Variants in UBR4 observed in about 807,000 individuals in gnomAD.
UBR4 encodes E3 ubiquitin-protein ligase UBR4.
In UBR4, 124 loss-of-function variants were observed where a neutral mutation model predicts 575.6. That is an observed-to-expected ratio of 0.22 (90% CI 0.19 to 0.25). The LOEUF (loss-of-function observed/expected upper bound fraction) is 0.25, where lower values mean the gene tolerates loss of function less well. Ranked by LOEUF, UBR4 falls within the 10% of genes least tolerant of loss-of-function variation. The pLI is 1.00. For synonymous variants in UBR4, 2,455 were observed against 2,473.7 expected (o/e 0.99, Z 0.22); for missense variants, 4,818 against 6,478.8 (o/e 0.74, Z 8.80).
At chr1:19,191,530 T>C (rs906380661) in intron 11 of UBR4, among the ~76,000 whole-genome samples, 10 of 152,174 alleles carry the variant, frequency 6.6e-5, no homozygotes, top group African/African-American at 2.2e-4. Context: ...TGACATCTTT[T>C]TCTTCACAAC....
intron 105 of UBR4, 23 bp from the exon 106 acceptor site, chr1:19,074,919 G>A: frequency 6.2e-7 from 1 of 1,613,120 alleles, no homozygotes; most frequent in Admixed American, 1.7e-5. Context: ...ACGGGCAGAG[G>A]TGTGTCAGGA....
Position 19,138,048 on chromosome 1 carries a change from TTCTCCC to T in UBR4, c.8859_8864del (p.Gly2958_Glu2959del). ...CATCTCCTTCAGTTTCTCCTTCTCC[TTCTCCC>T]TCGGAGCCATCTCCCTCCTGGTGCC... On this transcript the variant is annotated inframe_deletion, in exon 60 of 106. Transcript: ENST00000375254. The T allele has an allele frequency of 6.3e-7, 1 of 1,583,644 alleles. No individual in the cohort carries two copies. The highest frequency in any genetic ancestry group is 8.6e-7 in the Non-Finnish European group (1 of 1,160,652).
At position 19,125,312 on chromosome 1, in the gene UBR4, C is replaced by A. The variant is rs568787441; in HGVS notation, c.9439-622G>T. Among the ~76,000 whole-genome samples, 9 of 152,348 alleles carry A rather than the reference C, an allele frequency of 5.9e-5. 1 individual carries two copies. In the South Asian group the frequency reaches 1.9e-3, roughly 32 times the overall value. ...TTCAACTCCCAGTTATTCATCAGTT[C>A]TGTATCAAGCACTGGAGTTGTAAAC... On this transcript the variant is annotated intron_variant, in intron 64 of 105. Coordinates refer to ENST00000375254, the MANE Select transcript of UBR4 (RefSeq NM_020765.3).
intron 11 of UBR4, among the ~76,000 whole-genome samples, chr1:19,190,004 T>C (rs973004339): frequency 6.6e-6 from 1 of 151,976 alleles, no homozygotes; most frequent in East Asian, 1.9e-4. Context: ...CAATTTGACA[T>C]GGCCAGGCAG....
At chr1:19,144,711 G>A in intron 54 of UBR4, 75 bp downstream of exon 54, 1 of 1,544,796 alleles carries the variant, frequency 6.5e-7, no homozygotes, top group Non-Finnish European at 8.8e-7. Context: ...TATTTCATTA[G>A]CTTAGCAAGC....
chr1:19,092,621 C>A, intron 97 of UBR4, 198 bp downstream of exon 97: 1 of 498,192 alleles, frequency 2.0e-6, no homozygotes, highest in East Asian at 3.2e-5. Flanking sequence ...ACAATGAAGC[C>A]CCACTTAAGA....
rs2084948131 is a variant in UBR4 at position 19,146,882 on chromosome 1, A to G, written c.7748T>C (p.Met2583Thr). 9 of 1,614,192 alleles carry G rather than the reference A, an allele frequency of 5.6e-6. No individual in the cohort carries two copies. Among genetic ancestry groups the G allele is most frequent in the Non-Finnish European group, 6.8e-6 (8 of 1,180,006 alleles). The change falls in exon 52 of 106, where the codon ATG (methionine) becomes ACG (threonine). Residue 2583 changes from methionine to threonine, a missense_variant. Met to Thr is a moderately conservative substitution (Grantham distance 81). Around this residue, in one of 29 missense-constraint regions of UBR4, gnomAD observed 340 missense variants for 375.4 expected, o/e 0.91. Transcript: ENST00000375254. ...AAAGTGGACAAGGTTGTTGGGGCGC[A>G]TGATGGCAATGGAGCGAGCTGTGAT... ...LVITARSIAI[M>T]RPNNLVHFTE...
intron 5 of UBR4, 76 bp downstream of exon 5, chr1:19,198,465 C>A (rs891536969): frequency 3.3e-6 from 5 of 1,518,614 alleles, no homozygotes; most frequent in Non-Finnish European, 4.5e-6. Flanking sequence ...ACATAAAATA[C>A]ATCACTTTTT....
rs2090387107 is a variant in UBR4 at position 19,177,416 on chromosome 1, A to C, written c.2637+45T>G. 1.9e-6 allele frequency: 3 copies of C among 1,594,942 alleles called. No homozygotes were observed. The Middle Eastern group carries it at 5.0e-4, about 268-fold the overall frequency. Reference sequence around the variant, plus strand: ...TCATGGTAACCATTGAGAAGAATAAAGTTCTCAGTAATGGTGAAGCAAAAA... The same window carrying C: ...TCATGGTAACCATTGAGAAGAATAACGTTCTCAGTAATGGTGAAGCAAAAA... On this transcript the variant is annotated intron_variant, in intron 19 of 105. Transcript: ENST00000375254.
chr1:19,208,900 C>T (rs1291829423), intron 1 of UBR4, among the ~76,000 whole-genome samples: 2 of 152,126 alleles, frequency 1.3e-5, no homozygotes, highest in African/African-American at 4.8e-5. Flanking sequence ...AAAGCAGCCA[C>T]GTAATTTGAA....
intron 94 of UBR4, 24 bp from the exon 95 acceptor site, chr1:19,094,163 A>G (rs745667434): frequency 2.5e-6 from 4 of 1,589,928 alleles, no homozygotes; most frequent in Admixed American, 3.5e-5. Flanking sequence ...GAGGGTGAAC[A>G]TGCCATTAAT....
In UBR4 at chr1:19,121,199, C is replaced by T. The variant is rs34871324; in HGVS notation, c.10131G>A (p.Lys3377=). Residue 3377 remains lysine (K), a synonymous_variant, in exon 68 of 106, where the codon AAG becomes AAA. Transcript: ENST00000375254. The part of the protein sequence containing the change: ...TKKSKKEEKE[K]EKDGETSGSQ... ...GAGGGTGACCCTTACCATCTTTCTC[C>T]TTTTCTTTTTCTTCTTTCTTGCTCT... The T allele has an allele frequency of 7.7e-3, 12,476 of 1,613,870 alleles. 67 individuals carry two copies. The highest frequency in any genetic ancestry group is 9.1e-3 in the Non-Finnish European group (10,713 of 1,179,968).
At chr1:19,192,145 C>T (rs753591368) in intron 11 of UBR4, 43 bp downstream of exon 11, 42 of 1,580,612 alleles carry the variant, frequency 2.7e-5, no homozygotes, top group African/African-American at 1.4e-4. Context: ...AAAATGTTAG[C>T]GAAATAAAAC....
intron 78 of UBR4, 83 bp downstream of exon 78, chr1:19,112,430 AGAAGCACTATT>A: frequency 7.1e-7 from 1 of 1,399,524 alleles, no homozygotes; most frequent in Non-Finnish European, 9.7e-7. Context: ...CTGGGTGGTC[AGAAGCACTATT>A]CTGTGCACTC....
chr1:19,075,270 G>A (rs1459759843), intron 105 of UBR4: 1 of 298,202 alleles, frequency 3.4e-6, no homozygotes, highest in East Asian at 9.1e-5. Flanking sequence ...CCTGGCTGCA[G>A]GCCAGGGGTG....
intron 17 of UBR4, among the ~76,000 whole-genome samples, chr1:19,181,582 A>G (rs1029370887): frequency 5.9e-5 from 9 of 152,032 alleles, no homozygotes; most frequent in African/African-American, 2.2e-4. Context: ...CTCCTTTTTC[A>G]TGATCCCACA....
Position 19,075,854 on chromosome 1 carries a change from G to A in UBR4, c.15487+886C>T, listed in dbSNP as rs545031803. ...TAACAGTGGGATCTGGGGGGAGTTT[G>A]TTTTCCTGCTTCTTTATACTTTACA... On this transcript the variant is annotated intron_variant, in intron 105 of 105. Coordinates refer to ENST00000375254, the MANE Select transcript of UBR4 (RefSeq NM_020765.3). 1.7e-4 allele frequency among the ~76,000 whole-genome samples: 26 copies of A among 152,342 alleles called. No individual in the cohort carries two copies. In the South Asian group the frequency reaches 2.7e-3, roughly 16 times the overall value.
intron 64 of UBR4, 143 bp downstream of exon 64, chr1:19,126,303 G>A (rs969797515): frequency 5.3e-5 from 48 of 908,922 alleles, no homozygotes; most frequent in East Asian, 4.4e-4. Flanking sequence ...ATTCAATCAC[G>A]CCGAGATTAA....
chr1:19,205,557 T>C (rs932892405), intron 1 of UBR4, among the ~76,000 whole-genome samples: 1 of 152,170 alleles, frequency 6.6e-6, no homozygotes, highest in South Asian at 2.1e-4. Flanking sequence ...TTGAAAAATC[T>C]GTGGTTAATG....
Sources: gnomAD v4.1 joint callset for allele counts (sites outside exome capture counted in the v4.1 genomes callset) on GRCh38, gnomAD v4.1.1 for gene constraint, gnomAD v4.1.1 regional missense constraint, MANE v1.5 for transcripts, NCBI Gene and HGNC (gene_info 2026-07-23, HGNC 2026-07-21) for gene names.